Variants in CDC25B observed in about 807,000 individuals in gnomAD.
CDC25B encodes cell division cycle 25B.
In CDC25B, 33 loss-of-function variants were observed where a neutral mutation model predicts 69.8. The ratio of observed to expected loss-of-function variants is 0.47; its 90% CI spans 0.36 to 0.63. CDC25B has a LOEUF of 0.63. Ranked by LOEUF, CDC25B falls within the 30% of genes least tolerant of loss-of-function variation. CDC25B has a pLI of 0.00. For missense variants in CDC25B, 727 were observed against 809.1 expected (o/e 0.90, Z 1.23); for synonymous variants, 341 against 314.6 (o/e 1.08, Z -0.89).
upstream of CDC25B, among the ~76,000 whole-genome samples, chr20:3,793,699 T>C (rs1309171264): frequency 2.0e-5 from 3 of 149,732 alleles, no homozygotes; most frequent in Non-Finnish European, 4.5e-5. Context: ...GCTACACCCA[T>C]TAACTCGTCA....
intron 10 of CDC25B, 25 bp from the exon 11 acceptor site, chr20:3,802,256 G>A: frequency 6.2e-7 from 1 of 1,601,276 alleles, no homozygotes; most frequent in Non-Finnish European, 8.5e-7. Context: ...CCCTGACCCT[G>A]GCCTCCATCT....
chr20:3,806,011 C>T lies in CDC25B; in HGVS notation c.*1050C>T, dbSNP rs2089462415. 5.0e-6 allele frequency: 2 copies of T among 398,706 alleles called. No individual in the cohort carries two copies. 24.7% of individuals were successfully genotyped at this position (398,706 alleles called of 1,614,324 possible). ...AGCAGCTAAACCAAGGACTGAGCAC[C>T]CTCTGGATTCTGAATCTCAAGATGG... On this transcript the variant is annotated 3_prime_UTR_variant, in exon 16 of 16. Coordinates refer to ENST00000245960, the MANE Select transcript of CDC25B (RefSeq NM_021873.4).
In CDC25B at chr20:3,802,287, C is replaced by T. The variant is rs772733349; in HGVS notation, c.1105C>T (p.Arg369Cys). 44 of 1,610,712 alleles carry T rather than the reference C, an allele frequency of 2.7e-5. 2 individuals are homozygous for T. The South Asian group carries it at 3.5e-4, about 13-fold the overall frequency. ...EQQEAEEPKARVLRSKSLCHD... is the reference protein window; with the variant it reads ...EQQEAEEPKACVLRSKSLCHD... ...CATCTGACTCACTTTCCAGAAAGCC[C>T]GCGTCCTCCGCTCAAAATCACTGTG... Residue 369 changes from arginine (R) to cysteine (C), a missense_variant, in exon 11 of 16, where the codon CGC becomes TGC. By Grantham distance (180) the Arg-to-Cys change is radical. Transcript: ENST00000245960.
chr20:3,804,787 T>G, intron 15 of CDC25B, 34 bp from the exon 16 acceptor site: 3 of 1,612,308 alleles, frequency 1.9e-6, no homozygotes, highest in Non-Finnish European at 2.5e-6. Context: ...AACTTACCCA[T>G]TCCACTGCAT....
Position 3,805,289 on chromosome 20 carries a change from A to C in CDC25B, c.*328A>C. The C allele has an allele frequency of 2.8e-6, 1 of 356,970 alleles. No homozygotes were observed. Among genetic ancestry groups the C allele is most frequent in the African/African-American group, 2.0e-5 (1 of 48,886 alleles). The allele number at this position is 356,970 out of a possible 1,614,324, so 22.1% of individuals were successfully genotyped here. ...ACCCTTCATCTTCCTGTGTCCTGAAACGCTCCTTTGTGTGTGTGTCAGCTG... is the reference window on the plus strand; with the variant it reads ...ACCCTTCATCTTCCTGTGTCCTGAACCGCTCCTTTGTGTGTGTGTCAGCTG... On this transcript the variant is annotated 3_prime_UTR_variant, in exon 16 of 16. Coordinates refer to ENST00000245960, the MANE Select transcript of CDC25B (RefSeq NM_021873.4).
rs57004606 is a variant in CDC25B at position 3,788,142 on chromosome 20, AAAAGAAAG to A, written c.8+1018_8+1025del. Among the ~76,000 whole-genome samples the A allele has an allele frequency of 2.9e-3, 433 of 150,094 alleles. 1 individual carries two copies. The highest frequency in any genetic ancestry group is 0.024 in the Middle Eastern group (7 of 294). ...AAAGAGTGAGACTCCATCTCAAAAAAAAAGAAAGAAAGAAAGAAAGAACCAAATAGAGA... is the reference window on the plus strand; with the variant it reads ...AAAGAGTGAGACTCCATCTCAAAAAAAAAGAAAGAAAGAACCAAATAGAGA... On this transcript the variant is annotated intron_variant, in intron 1 of 15. Coordinates refer to the CDC25B transcript ENST00000344256.
intron 1 of CDC25B, among the ~76,000 whole-genome samples, chr20:3,789,461 C>T (rs1263045053): frequency 6.6e-6 from 1 of 152,094 alleles, no homozygotes; most frequent in Non-Finnish European, 1.5e-5. Flanking sequence ...ACCTCCTCCT[C>T]CCTGGTTCAA....
chr20:3,805,459 C>T lies in CDC25B; in HGVS notation c.*498C>T, dbSNP rs11570021. The T allele has an allele frequency of 4.1e-3, 1,129 of 272,670 alleles. 6 individuals carry two copies. Among genetic ancestry groups the T allele is most frequent in the Admixed American group, 6.1e-3 (125 of 20,468 alleles). 16.9% of individuals were successfully genotyped at this position (272,670 alleles called of 1,614,324 possible). A position where few individuals can be genotyped will look rare whatever the true frequency, so the allele number is the denominator to read the frequency against. Reference sequence around the variant, plus strand: ...AACCGTGGTATGTCTGCCATGTTGCCCCTTTCTCTTTTCCCCTTTCCTGTC... The same window carrying T: ...AACCGTGGTATGTCTGCCATGTTGCTCCTTTCTCTTTTCCCCTTTCCTGTC... On this transcript the variant is annotated 3_prime_UTR_variant, in exon 16 of 16. Coordinates refer to ENST00000245960, the MANE Select transcript of CDC25B (RefSeq NM_021873.4).
Position 3,803,070 on chromosome 20 carries a change from C to G in CDC25B, c.1258-38C>G. On this transcript the variant is annotated intron_variant, in intron 12 of 15. Coordinates refer to ENST00000245960, the MANE Select transcript of CDC25B (RefSeq NM_021873.4). This position sits in a 1 kb window ranked among gnomAD's most constrained non-coding sequence, Gnocchi z 4.9. ...GCTAGGGCCACCTGCCAGCTGCCAGCCTGACCTGCCGGAACCAACCCCCAT... is the reference window on the plus strand; with the variant it reads ...GCTAGGGCCACCTGCCAGCTGCCAGGCTGACCTGCCGGAACCAACCCCCAT... The G allele has an allele frequency of 6.3e-7, 1 of 1,598,430 alleles. No individual in the cohort carries two copies. The highest frequency in any genetic ancestry group is 8.6e-7 in the Non-Finnish European group (1 of 1,165,854).
chr20:3,793,630 G>A (rs2088953269), upstream of CDC25B, among the ~76,000 whole-genome samples: 1 of 145,672 alleles, frequency 6.9e-6, no homozygotes, highest in African/African-American at 2.6e-5. Context: ...TTAAGTTTTA[G>A]GGTACATGTG....
chr20:3,794,473 GA>G (rs2088975222), upstream of CDC25B, among the ~76,000 whole-genome samples: 1 of 147,886 alleles, frequency 6.8e-6, no homozygotes, highest in South Asian at 2.2e-4. Context: ...GGGTGGGGGG[GA>G]TACCTGTTGT....
upstream of CDC25B, among the ~76,000 whole-genome samples, chr20:3,792,104 G>C (rs1347282316): frequency 6.7e-6 from 1 of 148,870 alleles, no homozygotes; most frequent in Admixed American, 6.6e-5. Context: ...AGTAGAGACA[G>C]GGTTTCACCA....
At chr20:3,800,209 C>G in intron 3 of CDC25B, 79 bp from the exon 4 acceptor site, 1 of 580,334 alleles carries the variant, frequency 1.7e-6, no homozygotes. Flanking sequence ...TTACTCCCCC[C>G]TGGACTGGGG....
At chr20:3,801,591 T>C in intron 8 of CDC25B, 131 bp from the exon 9 acceptor site, 15 of 1,016,070 alleles carry the variant, frequency 1.5e-5, no homozygotes, top group Non-Finnish European at 2.2e-5. Context: ...GTTTGGGAGG[T>C]AGGGGAGCTT....
At chr20:3,798,673 A>T (rs2089155796) in intron 3 of CDC25B, among the ~76,000 whole-genome samples, 1 of 152,198 alleles carries the variant, frequency 6.6e-6, no homozygotes, top group African/African-American at 2.4e-5. Context: ...ATGGGAGCCA[A>T]CCGAGTGTGG....
intron 2 of CDC25B, among the ~76,000 whole-genome samples, chr20:3,798,191 G>C (rs1303753055): frequency 1.3e-5 from 2 of 152,158 alleles, no homozygotes; most frequent in Non-Finnish European, 2.9e-5. Context: ...CGCATATGAA[G>C]GAATTTCCAT....
Position 3,796,418 on chromosome 20 carries a change from T to TGG in CDC25B, c.-114_-113insGG. On this transcript the variant is annotated 5_prime_UTR_variant, in exon 1 of 16. Transcript: ENST00000245960. ...CTGTGGCTCTTCCTCCCTCCCTCCT[T>TGG]CCCCCCCCCCCCACCCCTCGCCCGC... is the stretch of plus-strand genomic sequence containing the variant. The TGG allele has an allele frequency of 6.6e-6, 1 of 151,666 alleles. No individual in the cohort carries two copies. The highest frequency in any genetic ancestry group is 7.7e-6 in the Non-Finnish European group (1 of 130,166). 9.4% of individuals were successfully genotyped at this position (151,666 alleles called of 1,614,324 possible). A position where few individuals can be genotyped will look rare whatever the true frequency, so the allele number is the denominator to read the frequency against.
At chr20:3,800,223 TG>T in intron 3 of CDC25B, 64 bp from the exon 4 acceptor site, 1 of 1,524,606 alleles carries the variant, frequency 6.6e-7, no homozygotes, top group Non-Finnish European at 9.1e-7. Context: ...ACTGGGGGCC[TG>T]GTGCTGGGGT....
chr20:3,787,689 C>G (rs2088847966), intron 1 of CDC25B, among the ~76,000 whole-genome samples: 1 of 152,162 alleles, frequency 6.6e-6, no homozygotes, highest in Admixed American at 6.5e-5. Flanking sequence ...TCTCTTAGGG[C>G]AGCACTAAGG....
Sources: gnomAD v4.1 joint callset for allele counts (sites outside exome capture counted in the v4.1 genomes callset) on GRCh38, gnomAD v4.1.1 for gene constraint, Gnocchi (gnomAD v3.1) non-coding constraint, MANE v1.5 for transcripts, NCBI Gene and HGNC (gene_info 2026-07-23, HGNC 2026-07-21) for gene names.